The following CDC27 variants were observed in gnomAD, a reference collection of about 807,000 sequenced individuals.
CDC27 encodes the protein cell division cycle protein 27 homolog.
A neutral mutation model predicts 109.7 loss-of-function variants in CDC27; 27 were observed. The ratio of observed to expected loss-of-function variants is 0.25; its 90% CI spans 0.18 to 0.34. The LOEUF (loss-of-function observed/expected upper bound fraction) is 0.34, where lower values mean the gene tolerates loss of function less well. Ranked by LOEUF, CDC27 falls within the 10% of genes least tolerant of loss-of-function variation. CDC27 has a pLI of 1.00. For missense variants in CDC27, 579 were observed against 960.2 expected (o/e 0.60, Z 5.25); for synonymous variants, 266 against 333.9 (o/e 0.80, Z 2.22).
chr17:47,171,848 A>C lies in CDC27; in HGVS notation c.251+69T>G, dbSNP rs926874702. On this transcript the variant is annotated intron_variant, in intron 3 of 18. Coordinates refer to ENST00000066544, the MANE Select transcript of CDC27 (RefSeq NM_001256.6). The stretch of plus-strand genomic sequence containing the variant: ...AGAAAGGGAATCAGAGTTTAATCTG[A>C]AAGGAATTTTATCCAAAATTCAACA... 6 of 1,053,576 alleles carry C rather than the reference A, an allele frequency of 5.7e-6. No homozygotes were observed. The African/African-American group carries it at 9.8e-5, about 17-fold the overall frequency. 65.3% of individuals were successfully genotyped at this position (1,053,576 alleles called of 1,614,324 possible).
intron 4 of CDC27, among the ~76,000 whole-genome samples, chr17:47,164,796 G>A (rs901886901): frequency 6.6e-6 from 1 of 152,052 alleles, no homozygotes; most frequent in South Asian, 2.1e-4. Context: ...CAGCCTGAGC[G>A]ACAGAGCGCA....
rs1213453764 is a variant in CDC27 at position 47,120,242 on chromosome 17, C to A, written c.*693G>T. 1 of 152,526 alleles carries A rather than the reference C, an allele frequency of 6.6e-6. No homozygotes were observed. The highest frequency in any genetic ancestry group is 1.5e-5 in the Non-Finnish European group (1 of 68,022). 9.4% of individuals were successfully genotyped at this position (152,526 alleles called of 1,614,324 possible). A position where few individuals can be genotyped will look rare whatever the true frequency, so the allele number is the denominator to read the frequency against. ...TTTAAAGTTTGCAATACCAAGACAA[C>A]AATGATCAACACTTTGAAGCAAGAT... On this transcript the variant is annotated 3_prime_UTR_variant, in exon 19 of 19. Coordinates refer to ENST00000066544, the MANE Select transcript of CDC27 (RefSeq NM_001256.6).
intron 12 of CDC27, among the ~76,000 whole-genome samples, chr17:47,140,389 T>C (rs1036913168): frequency 2.0e-5 from 3 of 152,054 alleles, no homozygotes; most frequent in African/African-American, 7.2e-5. Flanking sequence ...GCTGGTATTA[T>C]AGGCATGAGC....
chr17:47,125,503 C>T lies in CDC27; in HGVS notation c.2161-1543G>A, dbSNP rs577748308. Among the ~76,000 whole-genome samples the T allele has an allele frequency of 1.3e-4, 20 of 151,978 alleles. No homozygotes were observed. The South Asian group carries it at 3.9e-3, about 30-fold the overall frequency. Reference sequence around the variant, plus strand: ...TCAAGTGATCCTCTCACCTTGGCCTCCCAAAGTGCTGGGATTACAGGCGTG... The same window carrying T: ...TCAAGTGATCCTCTCACCTTGGCCTTCCAAAGTGCTGGGATTACAGGCGTG... On this transcript the variant is annotated intron_variant, in intron 16 of 18. Transcript: ENST00000066544.
At chr17:47,128,063 T>C (rs369161217) in intron 16 of CDC27, among the ~76,000 whole-genome samples, 1 of 151,762 alleles carries the variant, frequency 6.6e-6, no homozygotes, top group South Asian at 2.1e-4. Flanking sequence ...GACAGAGTGT[T>C]GCTGTTGCCC....
rs1598437263 is a variant in CDC27 at position 47,138,898 on chromosome 17, T to A, written c.1552-7A>T. The A allele has an allele frequency of 6.5e-7, 1 of 1,542,228 alleles. No homozygotes were observed. The highest frequency in any genetic ancestry group is 8.8e-7 in the Non-Finnish European group (1 of 1,141,474). On this transcript the variant is annotated splice_region_variant and splice_polypyrimidine_tract_variant and intron_variant, in intron 12 of 18. Transcript: ENST00000066544. ...CTGAGAATATTCTTTCAGCCTGAAA[T>A]AAAAAAAACTAGTAAGAGAAAACAA...
At position 47,119,793 on chromosome 17, in the gene CDC27, T is replaced by C. The variant is rs1309248365; in HGVS notation, c.*1142A>G. On this transcript the variant is annotated 3_prime_UTR_variant, in exon 19 of 19. Transcript: ENST00000066544. ...AACCTATCTCCTTCATAAGAATGTTTTTTCCCCCAAGCTAAAAATTTCCAA... is the reference window on the plus strand; with the variant it reads ...AACCTATCTCCTTCATAAGAATGTTCTTTCCCCCAAGCTAAAAATTTCCAA... The C allele has an allele frequency of 6.6e-6, 1 of 152,184 alleles. No homozygotes were observed. Among genetic ancestry groups the C allele is most frequent in the African/African-American group, 2.4e-5 (1 of 41,458 alleles). 9.4% of individuals were successfully genotyped at this position (152,184 alleles called of 1,614,324 possible).
Position 47,120,914 on chromosome 17 carries a change from T to C in CDC27, c.*21A>G, listed in dbSNP as rs1387737589. The C allele has an allele frequency of 6.3e-7, 1 of 1,579,446 alleles. No homozygotes were observed. Among genetic ancestry groups the C allele is most frequent in the South Asian group, 1.1e-5 (1 of 89,660 alleles). On this transcript the variant is annotated 3_prime_UTR_variant, in exon 19 of 19. Transcript: ENST00000066544. ...TCAGCACTAGTCACACATCCAGTTG[T>C]AAAAGTCTGATTTCCAGAAGTTAAA...
intron 15 of CDC27, among the ~76,000 whole-genome samples, chr17:47,130,157 C>A (rs974752740): frequency 1.3e-5 from 2 of 152,002 alleles, no homozygotes; most frequent in Non-Finnish European, 2.9e-5. Context: ...GTCAGGAGAT[C>A]GAGACCATCC....
chr17:47,127,307 T>C (rs948572804), intron 16 of CDC27, among the ~76,000 whole-genome samples: 3 of 152,082 alleles, frequency 2.0e-5, no homozygotes, highest in African/African-American at 7.2e-5. Flanking sequence ...CCAGTAAAAA[T>C]AGAAACCCGT....
At chr17:47,168,262 A>G (rs1162030965) in intron 4 of CDC27, among the ~76,000 whole-genome samples, 3 of 152,122 alleles carry the variant, frequency 2.0e-5, no homozygotes, top group African/African-American at 7.2e-5. Context: ...AAAAGTCCCA[A>G]TCCTCTAATC....
intron 14 of CDC27, among the ~76,000 whole-genome samples, chr17:47,135,467 T>C (rs1458059475): frequency 1.3e-5 from 2 of 151,696 alleles, no homozygotes; most frequent in Non-Finnish European, 1.5e-5. Context: ...AAGCATCAAA[T>C]GAATAAGAAA....
chr17:47,121,455 C>T (rs2061980663), intron 18 of CDC27, among the ~76,000 whole-genome samples: 1 of 152,124 alleles, frequency 6.6e-6, no homozygotes, highest in Admixed American at 6.5e-5. Flanking sequence ...ATCAATCAAT[C>T]AATCATCTAT....
At chr17:47,134,828 T>C (rs2062526910) in intron 14 of CDC27, among the ~76,000 whole-genome samples, 2 of 150,494 alleles carry the variant, frequency 1.3e-5, no homozygotes, top group Admixed American at 1.3e-4. Flanking sequence ...TCTTGCTATG[T>C]TGACCAGGCT....
At chr17:47,125,177 C>T (rs1355037020) in intron 16 of CDC27, among the ~76,000 whole-genome samples, 1 of 151,472 alleles carries the variant, frequency 6.6e-6, no homozygotes, top group East Asian at 1.9e-4. Context: ...GCCTTGGCCT[C>T]CCAAAGTGCT....
chr17:47,147,330 C>G (rs547202708), intron 9 of CDC27, among the ~76,000 whole-genome samples: 1 of 151,114 alleles, frequency 6.6e-6, no homozygotes, highest in Non-Finnish European at 1.5e-5. Context: ...ACCCGGGAGG[C>G]GGAGCTTGCA....
rs1289462039 is a variant in CDC27, at chr17:47,117,995, CT to C, written c.*2939del. 1 of 152,166 alleles carries C rather than the reference CT, an allele frequency of 6.6e-6. No homozygotes were observed. Among genetic ancestry groups the C allele is most frequent in the Admixed American group, 6.6e-5 (1 of 15,254 alleles). The allele number at this position is 152,166 out of a possible 1,614,324, so 9.4% of individuals were successfully genotyped here. A position where few individuals can be genotyped will look rare whatever the true frequency, so the allele number is the denominator to read the frequency against. ...ATTGCAAATATATTAACAGAAAAGACTTTCCCCCTCAACACTGTACAATTTC... is the reference window on the plus strand; with the variant it reads ...ATTGCAAATATATTAACAGAAAAGACTTCCCCCTCAACACTGTACAATTTC... On this transcript the variant is annotated 3_prime_UTR_variant, in exon 19 of 19. Transcript: ENST00000066544.
intron 14 of CDC27, among the ~76,000 whole-genome samples, chr17:47,132,982 C>T (rs1311232512): frequency 9.2e-6 from 1 of 108,386 alleles, no homozygotes; most frequent in Non-Finnish European, 1.8e-5. Flanking sequence ...CCATGTTGCC[C>T]AGGCGCATAT....
intron 16 of CDC27, among the ~76,000 whole-genome samples, chr17:47,127,981 T>C (rs2062199177): frequency 6.6e-6 from 1 of 151,914 alleles, no homozygotes; most frequent in Non-Finnish European, 1.5e-5. Flanking sequence ...GACGGGATTA[T>C]AGGGATTTTT....
Sources: allele counts gnomAD v4.1 joint callset (sites outside exome capture counted in the v4.1 genomes callset), GRCh38; gene constraint gnomAD v4.1.1; transcripts MANE v1.5; gene names NCBI Gene and HGNC (gene_info 2026-07-23, HGNC 2026-07-21).